Variants in AGBL4 observed in about 807,000 individuals in gnomAD.
The protein encoded by AGBL4 is AGBL carboxypeptidase 4.
In AGBL4, 58 loss-of-function variants were observed where a neutral mutation model predicts 66.4. The observed-to-expected ratio is 0.87, with a 90% CI of 0.71 to 1.09. The LOEUF (loss-of-function observed/expected upper bound fraction) is 1.09, where lower values mean the gene tolerates loss of function less well. Ranked by LOEUF, AGBL4 falls within the 50% of genes least tolerant of loss-of-function variation. AGBL4 has a pLI of 0.00. For missense variants in AGBL4, 579 were observed against 631.0 expected (o/e 0.92, Z 0.88); for synonymous variants, 234 against 222.9 (o/e 1.05, Z -0.44).
chr1:49,707,666 G>A (rs570738256), intron 2 of AGBL4, among the ~76,000 whole-genome samples: 32 of 151,894 alleles, frequency 2.1e-4, no homozygotes, highest in Non-Finnish European at 4.0e-4. Flanking sequence ...TCTACATTTT[G>A]GTATGGTTTT....
At chr1:48,902,064 T>C (rs1652132850) in intron 5 of AGBL4, among the ~76,000 whole-genome samples, 2 of 152,138 alleles carry the variant, frequency 1.3e-5, no homozygotes, top group Non-Finnish European at 2.9e-5. Flanking sequence ...ACTTGTTCAC[T>C]ATCATGAGAA....
chr1:48,559,749 C>A (rs935072959), intron 11 of AGBL4, among the ~76,000 whole-genome samples: 1 of 151,958 alleles, frequency 6.6e-6, no homozygotes, highest in African/African-American at 2.4e-5. Context: ...TCCCCCAGAC[C>A]CTCCACTTAA....
At chr1:49,821,168 T>C (rs75537021) in intron 2 of AGBL4, among the ~76,000 whole-genome samples, 3,372 of 152,302 alleles carry the variant, frequency 0.022, 134 homozygotes, top group African/African-American at 0.077. Context: ...ATAGGTACCA[T>C]GAAGCTTCTA....
chr1:49,085,651 C>T (rs185179761), intron 4 of AGBL4, among the ~76,000 whole-genome samples: 2 of 151,770 alleles, frequency 1.3e-5, no homozygotes, highest in East Asian at 3.9e-4. Flanking sequence ...GCATAGAGAG[C>T]AGAGAATAGC....
intron 3 of AGBL4, among the ~76,000 whole-genome samples, chr1:49,535,723 C>A (rs113909569): frequency 6.6e-6 from 1 of 151,848 alleles, no homozygotes; most frequent in African/African-American, 2.4e-5. Flanking sequence ...ACGGAGTCTC[C>A]CTCTGTCCTC....
chr1:48,997,800 G>A (rs1401540225), intron 5 of AGBL4, among the ~76,000 whole-genome samples: 1 of 152,190 alleles, frequency 6.6e-6, no homozygotes, highest in African/African-American at 2.4e-5. Flanking sequence ...ATAGAGCTTG[G>A]CACATAAGTG....
At chr1:49,920,673 G>T (rs940046341) in intron 1 of AGBL4, among the ~76,000 whole-genome samples, 3 of 152,186 alleles carry the variant, frequency 2.0e-5, no homozygotes, top group Non-Finnish European at 4.4e-5. Context: ...CATTGTGGAA[G>T]ACAGTGTGGC....
chr1:49,405,064 T>C (rs1458080386), intron 3 of AGBL4, among the ~76,000 whole-genome samples: 2 of 152,190 alleles, frequency 1.3e-5, no homozygotes, highest in Non-Finnish European at 2.9e-5. Flanking sequence ...TTTGTGAGTA[T>C]TTAATCAACT....
intron 5 of AGBL4, among the ~76,000 whole-genome samples, chr1:48,892,548 G>T (rs758931519): frequency 6.6e-6 from 1 of 152,082 alleles, no homozygotes; most frequent in African/African-American, 2.4e-5. Flanking sequence ...CATTGGTTCC[G>T]TCTGAAAAGG....
chr1:49,650,723 A>T (rs1645986365), intron 3 of AGBL4, among the ~76,000 whole-genome samples: 1 of 152,180 alleles, frequency 6.6e-6, no homozygotes, highest in Non-Finnish European at 1.5e-5. Context: ...TGCCCCTAGG[A>T]GATGGAGGAG....
At chr1:48,569,139 C>A (rs35874937) in intron 11 of AGBL4, among the ~76,000 whole-genome samples, 1 of 152,198 alleles carries the variant, frequency 6.6e-6, no homozygotes, top group Non-Finnish European at 1.5e-5. Flanking sequence ...AACCCTATGT[C>A]TAGGTTATAA....
intron 5 of AGBL4, among the ~76,000 whole-genome samples, chr1:49,016,505 A>G (rs1207929860): frequency 6.6e-6 from 1 of 152,088 alleles, no homozygotes; most frequent in Non-Finnish European, 1.5e-5. Context: ...AGAGTGCCGG[A>G]GTTTTGACAT....
chr1:49,927,805 C>T (rs1312646392), intron 1 of AGBL4, among the ~76,000 whole-genome samples: 2 of 152,100 alleles, frequency 1.3e-5, no homozygotes, highest in African/African-American at 4.8e-5. Flanking sequence ...AAAGTCAAAA[C>T]ATCTAGCATC....
chr1:49,196,772 T>C (rs1056428470), intron 4 of AGBL4, among the ~76,000 whole-genome samples: 4 of 152,070 alleles, frequency 2.6e-5, no homozygotes, highest in South Asian at 2.1e-4. Context: ...GTTATTATAA[T>C]GTATTTTTTG....
intron 3 of AGBL4, among the ~76,000 whole-genome samples, chr1:49,633,493 G>T (rs777014225): frequency 2.0e-5 from 3 of 152,102 alleles, no homozygotes; most frequent in Admixed American, 1.3e-4. Flanking sequence ...TAAGAGGTAA[G>T]TAGAGAAATG....
intron 1 of AGBL4, among the ~76,000 whole-genome samples, chr1:49,870,113 G>T (rs186839829): frequency 2.4e-4 from 36 of 152,172 alleles, no homozygotes; most frequent in Admixed American, 2.3e-3. Flanking sequence ...ATTTTAAAAA[G>T]CAAGACTTTT....
chr1:49,357,947 G>A (rs1644054978), intron 3 of AGBL4, among the ~76,000 whole-genome samples: 1 of 152,100 alleles, frequency 6.6e-6, no homozygotes, highest in South Asian at 2.1e-4. Flanking sequence ...TAGGTCCCAT[G>A]TCCATGTCTT....
chr1:49,013,114 T>C (rs138217983), intron 5 of AGBL4, among the ~76,000 whole-genome samples: 4 of 152,294 alleles, frequency 2.6e-5, no homozygotes, highest in African/African-American at 9.6e-5. Flanking sequence ...AAGAAATGAA[T>C]TTATTCCTTA....
intron 3 of AGBL4, among the ~76,000 whole-genome samples, chr1:49,668,358 A>G (rs886869806): frequency 3.0e-4 from 45 of 152,204 alleles, no homozygotes; most frequent in African/African-American, 8.2e-4. Context: ...GTCCAAGCAC[A>G]TTGATTTTAT....
Sources: gnomAD v4.1 joint callset for allele counts (sites outside exome capture counted in the v4.1 genomes callset) on GRCh38, gnomAD v4.1.1 for gene constraint, MANE v1.5 for transcripts, NCBI Gene and HGNC (gene_info 2026-07-23, HGNC 2026-07-21) for gene names.